DSC2: variants seen among roughly 807,000 people sequenced by gnomAD.
DSC2 encodes desmocollin-2.
In DSC2, 51 loss-of-function variants were observed where a neutral mutation model predicts 87.6. The observed-to-expected ratio is 0.58, with a 90% confidence interval of 0.46 to 0.74. The LOEUF is 0.74. Ranked by LOEUF, DSC2 falls within the 30% of genes least tolerant of loss-of-function variation. The pLI is 0.00. For synonymous variants in DSC2, 383 were observed against 393.2 expected, an observed-to-expected ratio of 0.97 and a Z score of 0.31; for missense variants, 1,066 against 1,089.5, an observed-to-expected ratio of 0.98 and a Z score of 0.30.
At chr18:31,092,785 TA>T (rs1212462733) in intron 2 of DSC2, among the ~76,000 whole-genome samples, 4 of 152,054 alleles carry the variant, frequency 2.6e-5, no homozygotes, top group South Asian at 2.1e-4. Flanking sequence ...ATTTAATTGA[TA>T]AAAAAATACA....
chr18:31,069,543 C>T (rs1417183498), intron 14 of DSC2, among the ~76,000 whole-genome samples: 1 of 151,846 alleles, frequency 6.6e-6, no homozygotes, highest in Non-Finnish European at 1.5e-5. Context: ...GGTGGAACTC[C>T]GTCTCTACTA....
rs1200959916 is a variant in DSC2 at position 31,065,450 on chromosome 18, A to ACT, written c.*2564_*2565insAG. Reference sequence around the variant, plus strand: ...AGTAGACTCCTCTACCCTCCTCAGTACAGGTCCTATAAGTAAGGAAACTAA... The same window carrying ACT: ...AGTAGACTCCTCTACCCTCCTCAGTACTCAGGTCCTATAAGTAAGGAAACTAA... On this transcript the variant is annotated 3_prime_UTR_variant, in exon 16 of 16. Transcript: ENST00000280904. 2 of 152,230 alleles carry ACT rather than the reference A, an allele frequency of 1.3e-5. No individual in the cohort carries two copies. Among genetic ancestry groups the ACT allele is most frequent in the African/African-American group, 4.8e-5 (2 of 41,470 alleles). The allele number at this position is 152,230 out of a possible 1,614,324, so 9.4% of individuals were successfully genotyped here.
chr18:31,071,528 G>A, intron 13 of DSC2, 77 bp downstream of exon 13: 1 of 1,364,652 alleles, frequency 7.3e-7, no homozygotes, highest in Non-Finnish European at 1.0e-6. Flanking sequence ...CCTGGGCTCT[G>A]TCTCAAAAAA....
chr18:31,100,616 T>C lies in DSC2; in HGVS notation c.69+1287A>G, dbSNP rs1006424000. Among the ~76,000 whole-genome samples the C allele has an allele frequency of 2.0e-5, 3 of 152,196 alleles. No homozygotes were observed. The East Asian group carries it at 5.8e-4, about 29-fold the overall frequency. ...GAGCTCCTCGAGAAAGACATTCTAATAACAGTAACAATTACCAATTCATGA... is the reference window on the plus strand; with the variant it reads ...GAGCTCCTCGAGAAAGACATTCTAACAACAGTAACAATTACCAATTCATGA... On this transcript the variant is annotated intron_variant, in intron 1 of 15. Transcript: ENST00000280904.
chr18:31,086,629 T>C lies in DSC2; in HGVS notation c.889A>G (p.Met297Val), dbSNP rs1987406472. ...GTGATCACGCCTGTAGTTGGATGCATAGAAAATAGGGTGGGTGATGGTGGC... is the reference window on the plus strand; with the variant it reads ...GTGATCACGCCTGTAGTTGGATGCACAGAAAATAGGGTGGGTGATGGTGGC... The part of the protein sequence containing the change: ...QVPPSPTLFS[M>V]HPTTGVITTT... The change falls in exon 7 of 16, where the codon ATG becomes GTG. Residue 297 changes from methionine to valine, a missense_variant. Physicochemically the swap from Met to Val is conservative, Grantham distance 21. Coordinates refer to ENST00000280904, the MANE Select transcript of DSC2 (RefSeq NM_024422.6). 2 of 1,614,036 alleles carry C rather than the reference T, an allele frequency of 1.2e-6. No individual in the cohort carries two copies. Among genetic ancestry groups the C allele is most frequent in the African/African-American group, 1.3e-5 (1 of 74,930 alleles).
chr18:31,100,365 G>A, intron 1 of DSC2, among the ~76,000 whole-genome samples: 1 of 152,198 alleles, frequency 6.6e-6, no homozygotes, highest in East Asian at 1.9e-4. Context: ...CATTGCCAGC[G>A]TCTGTGCATG....
chr18:31,060,537 C>T lies in DSC2; in HGVS notation c.*7478G>A, dbSNP rs1419153782. On this transcript the variant is annotated 3_prime_UTR_variant, in exon 16 of 16. Transcript: ENST00000280904. Reference sequence around the variant, plus strand: ...ACCTGTTACCCCACCTGACACAGGTCCCCACACAACAGCACAGTGATGCCA... The same window carrying T: ...ACCTGTTACCCCACCTGACACAGGTTCCCACACAACAGCACAGTGATGCCA... 1 of 152,230 alleles carries T rather than the reference C, an allele frequency of 6.6e-6. No homozygotes were observed. The highest frequency in any genetic ancestry group is 1.5e-5 in the Non-Finnish European group (1 of 68,076). The allele number at this position is 152,230 out of a possible 1,614,324, so 9.4% of individuals were successfully genotyped here. A position where few individuals can be genotyped will look rare whatever the true frequency, so the allele number is the denominator to read the frequency against.
chr18:31,076,274 A>C (rs1987014985), intron 11 of DSC2, among the ~76,000 whole-genome samples: 2 of 152,300 alleles, frequency 1.3e-5, no homozygotes, highest in African/African-American at 4.8e-5. Context: ...TAGGCCACCA[A>C]GTTAAGAACT....
At chr18:31,100,376 C>T (rs1473520120) in intron 1 of DSC2, among the ~76,000 whole-genome samples, 3 of 152,208 alleles carry the variant, frequency 2.0e-5, no homozygotes, top group Non-Finnish European at 4.4e-5. Context: ...TCTGTGCATG[C>T]CTTTTCCTTT....
chr18:31,084,109 C>T (rs985591874), intron 7 of DSC2, among the ~76,000 whole-genome samples: 6 of 152,080 alleles, frequency 3.9e-5, no homozygotes, highest in Non-Finnish European at 5.9e-5. Context: ...GAATGTTCAC[C>T]CTTCTCTTAC....
chr18:31,073,273 T>C (rs957590911), intron 12 of DSC2, among the ~76,000 whole-genome samples: 2 of 151,902 alleles, frequency 1.3e-5, no homozygotes, highest in Non-Finnish European at 2.9e-5. Flanking sequence ...TAAAAATTAA[T>C]ATCATGACAC....
In DSC2 at chr18:31,089,547, T is replaced by C; in HGVS notation, c.522A>G (p.Arg174=). Residue 174 remains arginine, a synonymous_variant, in exon 5 of 16, where the codon AGA becomes AGG. Coordinates refer to ENST00000280904, the MANE Select transcript of DSC2 (RefSeq NM_024422.6). ...GAGGTTCTTGGTCAACTCCAGGACC[T>C]CTTATGGAATAGTATATGGTATAGT... The part of the protein sequence containing the change: ...AQNYTIYYSI[R]GPGVDQEPRN... 1 of 1,613,998 alleles carries C rather than the reference T, an allele frequency of 6.2e-7. No individual in the cohort carries two copies. Among genetic ancestry groups the C allele is most frequent in the East Asian group, 2.2e-5 (1 of 44,840 alleles).
At position 31,058,932 on chromosome 18, in the gene DSC2, A is replaced by C. The variant is rs553143132; in HGVS notation, c.*9083T>G. On this transcript the variant is annotated 3_prime_UTR_variant, in exon 16 of 16. Transcript: ENST00000280904. ...TTTGAGAGCAGAGGCCATATCTTAC[A>C]TACAGTAGATACCAAATAAATTTTA... 1 of 152,216 alleles carries C rather than the reference A, an allele frequency of 6.6e-6. No homozygotes were observed. Among genetic ancestry groups the C allele is most frequent in the Non-Finnish European group, 1.5e-5 (1 of 68,044 alleles). 9.4% of individuals were successfully genotyped at this position (152,216 alleles called of 1,614,324 possible).
rs1267728103 is a variant in DSC2, at chr18:31,092,319, G to C, written c.155-19C>G. On this transcript the variant is annotated intron_variant, in intron 2 of 15. Coordinates refer to ENST00000280904, the MANE Select transcript of DSC2 (RefSeq NM_024422.6). ...AGGTTAACTGTAGAAAATATGCACAGCAATCATTTTTAAAGTAAAACATAG... is the reference window on the plus strand; with the variant it reads ...AGGTTAACTGTAGAAAATATGCACACCAATCATTTTTAAAGTAAAACATAG... The C allele has an allele frequency of 3.1e-6, 5 of 1,602,068 alleles. No individual in the cohort carries two copies. Among genetic ancestry groups the C allele is most frequent in the East Asian group, 4.5e-5 (2 of 44,732 alleles).
rs1437435540 is a variant in DSC2, at chr18:31,080,247, T to C, written c.1369A>G (p.Thr457Ala). 1.2e-6 allele frequency: 2 copies of C among 1,613,962 alleles called. No individual in the cohort carries two copies. The highest frequency in any genetic ancestry group is 1.1e-5 in the South Asian group (1 of 91,084). The change falls in exon 10 of 16, where the codon ACA becomes GCA. Residue 457 changes from threonine (T) to alanine (A), a missense_variant. By Grantham distance (58) the Thr-to-Ala change is moderately conservative (BLOSUM62 0). Transcript: ENST00000280904. ...TGATCTTCTACATTAACAGTAACTG[T>C]TGCTGTGCTCATGGCTGATCTTGGA... ...ASPRSAMSTA[T>A]VTVNVEDQDE...
At position 31,082,800 on chromosome 18, in the gene DSC2, C is replaced by T. The variant is rs567938327; in HGVS notation, c.1077+126G>A. Reference sequence around the variant, plus strand: ...CTCAAACTCCTGACCTCAGGTGATCCGCCCGCCTCGGCCTCCCAAAGTGCT... The same window carrying T: ...CTCAAACTCCTGACCTCAGGTGATCTGCCCGCCTCGGCCTCCCAAAGTGCT... On this transcript the variant is annotated intron_variant, in intron 8 of 15. Coordinates refer to ENST00000280904, the MANE Select transcript of DSC2 (RefSeq NM_024422.6). 174 of 1,064,750 alleles carry T rather than the reference C, an allele frequency of 1.6e-4. 1 individual carries two copies. The African/African-American group carries it at 2.2e-3, about 14-fold the overall frequency. The allele number at this position is 1,064,750 out of a possible 1,614,324, so 66.0% of individuals were successfully genotyped here. A position where few individuals can be genotyped will look rare whatever the true frequency, so the allele number is the denominator to read the frequency against.
chr18:31,085,034 C>T (rs958078892), intron 7 of DSC2, among the ~76,000 whole-genome samples: 3 of 151,972 alleles, frequency 2.0e-5, no homozygotes, highest in East Asian at 1.9e-4. Context: ...TGGATTTTAA[C>T]GTAATAAAGT....
At chr18:31,099,603 G>GC (rs1491453437) in intron 1 of DSC2, among the ~76,000 whole-genome samples, 1 of 152,020 alleles carries the variant, frequency 6.6e-6, no homozygotes, top group Non-Finnish European at 1.5e-5. Context: ...AAAAAAAAAG[G>GC]CGGGGGGGAG....
In DSC2 at chr18:31,093,560, T is replaced by C. The variant is rs781424888; in HGVS notation, c.153A>G (p.Arg51=). The C allele has an allele frequency of 6.9e-6, 11 of 1,604,758 alleles. No individual in the cohort carries two copies. In the South Asian group the frequency reaches 1.2e-4, roughly 18 times the overall value. Residue 51 remains arginine, a splice_region_variant and synonymous_variant, in exon 2 of 16, where the codon AGA becomes AGG. Transcript: ENST00000280904. The part of the protein sequence containing the change: ...SKLDAEKLVG[R]VNLKECFTAA... The stretch of plus-strand genomic sequence containing the variant: ...TTACAAATTTTAGGGCTTCCTTACC[T>C]CTACCAACAAGTTTCTCGGCATCTA...
Sources: gnomAD v4.1 joint callset for allele counts (sites outside exome capture counted in the v4.1 genomes callset) on GRCh38, gnomAD v4.1.1 for gene constraint, MANE v1.5 for transcripts, NCBI Gene and HGNC (gene_info 2026-07-23, HGNC 2026-07-21) for gene names.